RASSF1: variants seen among roughly 807,000 people sequenced by gnomAD.
RASSF1 encodes ras association domain-containing protein 1.
A neutral mutation model predicts 34.3 loss-of-function variants in RASSF1; 33 were observed. That is an observed-to-expected ratio of 0.96 (90% CI 0.73 to 1.29). The LOEUF (loss-of-function observed/expected upper bound fraction) is 1.29. Ranked by LOEUF, RASSF1 falls within the 50% of genes most tolerant of loss-of-function variation. The pLI is 0.00. For missense variants in RASSF1, 445 were observed against 471.8 expected (o/e 0.94, Z 0.53); for synonymous variants, 191 against 195.0 (o/e 0.98, Z 0.17).
intron 3 of RASSF1, 82 bp downstream of exon 3, chr3:50,331,968 C>A: frequency 1.3e-6 from 2 of 1,575,982 alleles, no homozygotes; most frequent in Admixed American, 3.4e-5. Context: ...CCAAGATAAC[C>A]TCAGTTGTGA....
In RASSF1 at chr3:50,337,445, A is replaced by G. The variant is rs1400036609; in HGVS notation, c.357+460T>C. ...GGGCCAGAGCCGCGCCGCAACCGTT[A>G]AGACTGAAACGTAGATCGCCGGGAT... On this transcript the variant is annotated intron_variant, in intron 2 of 5. Coordinates refer to ENST00000359365, the MANE Select transcript of RASSF1 (RefSeq NM_007182.5). The G allele has an allele frequency of 4.5e-6, 7 of 1,570,976 alleles. No homozygotes were observed. In the East Asian group the frequency reaches 1.6e-4, roughly 36 times the overall value.
At chr3:50,336,920 C>A in intron 2 of RASSF1, 1 of 555,174 alleles carries the variant, frequency 1.8e-6, no homozygotes, top group Non-Finnish European at 3.2e-6. Flanking sequence ...CTACCACAAG[C>A]CATACAGCTG....
intron 2 of RASSF1, chr3:50,337,062 T>C (rs1703164327): frequency 2.2e-6 from 3 of 1,341,792 alleles, no homozygotes; most frequent in Non-Finnish European, 2.9e-6. Context: ...GGGAGCCACG[T>C]AGCCAGGAGG....
intron 3 of RASSF1, 83 bp downstream of exon 3, chr3:50,331,967 C>G: frequency 6.4e-7 from 1 of 1,572,688 alleles, no homozygotes; most frequent in Non-Finnish European, 8.7e-7. Context: ...CCCAAGATAA[C>G]CTCAGTTGTG....
intron 2 of RASSF1, among the ~76,000 whole-genome samples, chr3:50,334,873 C>A (rs766526207): frequency 6.6e-6 from 1 of 152,162 alleles, no homozygotes; most frequent in Non-Finnish European, 1.5e-5. Context: ...CCATCCCAGT[C>A]GGATGCACAG....
chr3:50,337,703 C>G (rs587712624), intron 2 of RASSF1: 5 of 837,880 alleles, frequency 6.0e-6, no homozygotes, highest in Non-Finnish European at 9.2e-6. Flanking sequence ...GGCCCGGGTC[C>G]GCTTGCAGCG....
rs1470190009 is a variant in RASSF1, at chr3:50,337,465, C to T, written c.357+440G>A. ...CCGTTAAGACTGAAACGTAGATCGC[C>T]GGGATCTAGCTCTTGTCTCATTGGG... is the stretch of plus-strand genomic sequence containing the variant. On this transcript the variant is annotated intron_variant, in intron 2 of 5. Coordinates refer to ENST00000359365, the MANE Select transcript of RASSF1 (RefSeq NM_007182.5). The T allele has an allele frequency of 6.4e-6, 10 of 1,556,810 alleles. No individual in the cohort carries two copies. The East Asian group carries it at 2.1e-4, about 33-fold the overall frequency.
In RASSF1 at chr3:50,330,785, C is replaced by A; in HGVS notation, c.877-58G>T. On this transcript the variant is annotated intron_variant, in intron 5 of 5. Coordinates refer to ENST00000359365, the MANE Select transcript of RASSF1 (RefSeq NM_007182.5). This position sits in a 1 kb window ranked among gnomAD's most constrained non-coding sequence, Gnocchi z 4.5. ...CAGAAGGGATGGCCAAGCCAGCAGACCCTCCCCAGAGAAGACTAGCACCTC... is the reference window on the plus strand; with the variant it reads ...CAGAAGGGATGGCCAAGCCAGCAGAACCTCCCCAGAGAAGACTAGCACCTC... 1.3e-6 allele frequency: 2 copies of A among 1,565,390 alleles called. No homozygotes were observed. The highest frequency in any genetic ancestry group is 1.7e-6 in the Non-Finnish European group (2 of 1,144,458).
At position 50,332,055 on chromosome 3, in the gene RASSF1, T is replaced by C; in HGVS notation, c.457A>G (p.Ser153Gly). The change falls in exon 3 of 6, where the codon AGC becomes GGC. Residue 153 changes from serine to glycine, a missense_variant. Transcript: ENST00000359365. ...TTCCTGAGCAGTCAACTCACCAAGC[T>C]CATGAAGAGGTTGCTGTTGATCTGG... Reference protein sequence around the residue: ...NAQINSNLFMSLNKDGSYTGF... With the variant: ...NAQINSNLFMGLNKDGSYTGF... The C allele has an allele frequency of 2.5e-6, 4 of 1,613,978 alleles. No individual in the cohort carries two copies. The highest frequency in any genetic ancestry group is 3.4e-6 in the Non-Finnish European group (4 of 1,179,932).
At chr3:50,332,408 A>C (rs145322745) in intron 2 of RASSF1, among the ~76,000 whole-genome samples, 1 of 152,358 alleles carries the variant, frequency 6.6e-6, no homozygotes, top group Non-Finnish European at 1.5e-5. Flanking sequence ...TGTAGCCTTA[A>C]GGATACCACA....
At position 50,331,642 on chromosome 3, in the gene RASSF1, A is replaced by G. The variant is rs747201123; in HGVS notation, c.677T>C (p.Ile226Thr). 9.3e-6 allele frequency: 15 copies of G among 1,610,016 alleles called. No homozygotes were observed. Among genetic ancestry groups the G allele is most frequent in the South Asian group, 6.6e-5 (6 of 91,046 alleles). ...CAAGAACTTTCGCAGCAGGGCCTCA[A>G]TGACTTCACGTGCCCTTGTGCGTGA... ...VLSRTRAREV[I>T]EALLRKFLVV... The change falls in exon 4 of 6, where the codon ATT becomes ACT. Residue 226 changes from isoleucine to threonine, a missense_variant. Physicochemically the swap from Ile to Thr is moderately conservative, Grantham distance 89. Coordinates refer to ENST00000359365, the MANE Select transcript of RASSF1 (RefSeq NM_007182.5).
At position 50,340,650 on chromosome 3, in the gene RASSF1, G is replaced by T. The variant is rs1363944957; in HGVS notation, c.156C>A (p.His52Gln). Reference sequence around the variant, plus strand: ...TGGCGGGCCCCGCGGGCTGGAAGCGGTGGCCACGGCCAGGGACCAGCTGCC... The same window carrying T: ...TGGCGGGCCCCGCGGGCTGGAAGCGTTGGCCACGGCCAGGGACCAGCTGCC... ...PTRQLVPGRGHRFQPAGPATH... is the reference protein window; with the variant it reads ...PTRQLVPGRGQRFQPAGPATH... Residue 52 changes from histidine (H) to glutamine (Q), a missense_variant, in exon 1 of 6, where the codon CAC becomes CAA. Transcript: ENST00000359365. 1 of 1,527,168 alleles carries T rather than the reference G, an allele frequency of 6.5e-7. No homozygotes were observed. Among genetic ancestry groups the T allele is most frequent in the Admixed American group, 2.0e-5 (1 of 49,668 alleles). The allele number at this position is 1,527,168 out of a possible 1,614,324, so 94.6% of individuals were successfully genotyped here. A position where few individuals can be genotyped will look rare whatever the true frequency, so the allele number is the denominator to read the frequency against.
chr3:50,337,112 G>T, intron 2 of RASSF1: 1 of 1,503,828 alleles, frequency 6.6e-7, no homozygotes, highest in South Asian at 1.3e-5. Flanking sequence ...CAACGGACCG[G>T]GGAGGGCGGA....
Position 50,330,290 on chromosome 3 carries a change from TGAG to T in RASSF1, c.*288_*290del. On this transcript the variant is annotated 3_prime_UTR_variant, in exon 6 of 6. Transcript: ENST00000359365. This position sits in a 1 kb window ranked among gnomAD's most constrained non-coding sequence, Gnocchi z 4.5. ...AGATTTTCACTTCTGAGACAAAAAT[TGAG>T]GAGACTTCTGTCTGCACCACTCCTG... 1 of 351,360 alleles carries T rather than the reference TGAG, an allele frequency of 2.8e-6. No homozygotes were observed. The highest frequency in any genetic ancestry group is 5.2e-6 in the Non-Finnish European group (1 of 190,928). The allele number at this position is 351,360 out of a possible 1,614,324, so 21.8% of individuals were successfully genotyped here. A position where few individuals can be genotyped will look rare whatever the true frequency, so the allele number is the denominator to read the frequency against.
At chr3:50,336,420 C>T (rs1474601920) in intron 2 of RASSF1, 2 of 152,198 alleles carry the variant, frequency 1.3e-5, no homozygotes, top group Admixed American at 6.5e-5. Flanking sequence ...CACAGTTCTC[C>T]GATAATGGGG....
chr3:50,338,595 A>G (rs1703252160), intron 1 of RASSF1, among the ~76,000 whole-genome samples: 1 of 152,196 alleles, frequency 6.6e-6, no homozygotes, highest in South Asian at 2.1e-4. Flanking sequence ...CTGGGAACGT[A>G]TATGGAATAC....
chr3:50,335,861 C>A (rs1186954311), intron 2 of RASSF1, among the ~76,000 whole-genome samples: 3 of 152,186 alleles, frequency 2.0e-5, no homozygotes, highest in African/African-American at 7.2e-5. Flanking sequence ...CTGCCTTGGC[C>A]TCCCAAAGCA....
In RASSF1 at chr3:50,331,808, C is replaced by A. The variant is rs781447430; in HGVS notation, c.511G>T (p.Val171Leu). 2 of 1,592,366 alleles carry A rather than the reference C, an allele frequency of 1.3e-6. No homozygotes were observed. Among genetic ancestry groups the A allele is most frequent in the Admixed American group, 3.4e-5 (2 of 58,514 alleles). Residue 171 changes from valine to leucine, a missense_variant, in exon 4 of 6, where the codon GTG becomes TTG. Physicochemically the swap from Val to Leu is conservative, Grantham distance 32 (BLOSUM62 1). Coordinates refer to ENST00000359365, the MANE Select transcript of RASSF1 (RefSeq NM_007182.5). ...CTGGAGGGCACAGAGACAGGGCGCA[C>A]CAGCTTCAGCTGAACCTTGATGAAG... ...TGFIKVQLKL[V>L]RPVSVPSSKK...
intron 2 of RASSF1, among the ~76,000 whole-genome samples, chr3:50,335,060 T>G (rs1349829510): frequency 6.6e-6 from 1 of 152,190 alleles, no homozygotes; most frequent in East Asian, 1.9e-4. Flanking sequence ...AGCAATTCTC[T>G]GCTTCAGCCT....
Sources: gnomAD v4.1 joint callset for allele counts (sites outside exome capture counted in the v4.1 genomes callset) on GRCh38, gnomAD v4.1.1 for gene constraint, Gnocchi (gnomAD v3.1) non-coding constraint, MANE v1.5 for transcripts, NCBI Gene and HGNC (gene_info 2026-07-23, HGNC 2026-07-21) for gene names.